Variants in RBFOX1 observed in about 807,000 individuals in gnomAD.
RBFOX1 encodes the protein RNA binding protein fox-1 homolog 1.
Under a neutral mutation model 57.7 loss-of-function variants are expected in RBFOX1, and 8 were observed. That is an observed-to-expected ratio of 0.14 (90% confidence interval 0.08 to 0.25). The LOEUF (loss-of-function observed/expected upper bound fraction) is 0.25, where lower values mean the gene tolerates loss of function less well. Ranked by LOEUF, RBFOX1 falls within the 10% of genes least tolerant of loss-of-function variation. The pLI is 1.00. For missense variants in RBFOX1, 611 were observed against 548.5 expected, an observed-to-expected ratio of 1.11 and a Z score of -1.14; for synonymous variants, 326 against 222.4, an observed-to-expected ratio of 1.47 and a Z score of -4.15.
intron 3 of RBFOX1, among the ~76,000 whole-genome samples, chr16:6,712,644 C>T (rs982642110): frequency 6.6e-6 from 1 of 152,100 alleles, no homozygotes; most frequent in African/African-American, 2.4e-5. Flanking sequence ...TAGGTCCTAT[C>T]ATGGCGTAGG....
chr16:6,693,416 C>T (rs1043843362), intron 3 of RBFOX1, among the ~76,000 whole-genome samples: 6 of 151,844 alleles, frequency 4.0e-5, no homozygotes, highest in African/African-American at 1.5e-4. Context: ...CTACCATCAC[C>T]ACTATCATTA....
chr16:5,706,020 CT>C (rs2051234790), intron 3 of RBFOX1, among the ~76,000 whole-genome samples: 2 of 152,176 alleles, frequency 1.3e-5, no homozygotes. Flanking sequence ...AAGCAATTCT[CT>C]TGCGTCTGCC....
intron 1 of RBFOX1, among the ~76,000 whole-genome samples, chr16:6,103,980 C>A (rs2096347030): frequency 6.6e-6 from 1 of 152,180 alleles, no homozygotes; most frequent in African/African-American, 2.4e-5. Flanking sequence ...GTGGTCTCAG[C>A]TTATTGTCCT....
At chr16:5,917,628 C>A (rs2058737040) in intron 4 of RBFOX1, among the ~76,000 whole-genome samples, 1 of 152,182 alleles carries the variant, frequency 6.6e-6, no homozygotes, top group African/African-American at 2.4e-5. Flanking sequence ...CTCCTTTCTC[C>A]TGGGCCCTGG....
At chr16:7,417,934 C>A (rs774635782) in intron 4 of RBFOX1, among the ~76,000 whole-genome samples, 1 of 152,048 alleles carries the variant, frequency 6.6e-6, no homozygotes. Flanking sequence ...GATTAGGTAC[C>A]CTGTTGGCCC....
intron 2 of RBFOX1, among the ~76,000 whole-genome samples, chr16:6,490,265 A>G (rs183923222): frequency 6.6e-6 from 1 of 152,254 alleles, no homozygotes; most frequent in African/African-American, 2.4e-5. Context: ...AAGATCTTGC[A>G]AGTACGCAAT....
intron 3 of RBFOX1, chr16:6,704,204 G>T (rs551891251): frequency 2.6e-5 from 4 of 152,318 alleles, no homozygotes; most frequent in African/African-American, 9.6e-5. Flanking sequence ...TCATGCAGGA[G>T]TTAAAAACCT....
intron 2 of RBFOX1, among the ~76,000 whole-genome samples, chr16:6,620,202 C>T (rs1431586214): frequency 6.6e-6 from 1 of 152,160 alleles, no homozygotes; most frequent in Non-Finnish European, 1.5e-5. Context: ...TCACTCAAAA[C>T]CATACAGTTA....
intron 14 of RBFOX1, among the ~76,000 whole-genome samples, chr16:7,690,229 C>A (rs574887931): frequency 6.6e-6 from 1 of 152,116 alleles, no homozygotes; most frequent in Admixed American, 6.6e-5. Flanking sequence ...CACTGGCACT[C>A]TCTTAACCTC....
In RBFOX1 at chr16:7,100,264, T is replaced by G. The variant is rs1004333756; in HGVS notation, c.27+48166T>G. On this transcript the variant is annotated intron_variant, in intron 4 of 15. Coordinates refer to ENST00000550418, the MANE Select transcript of RBFOX1 (RefSeq NM_018723.4). ...GTGAAAAATGGTTAGAATAAAATGCTCATGAAAATTTCTCTTTTTAAAAAG... is the reference window on the plus strand; with the variant it reads ...GTGAAAAATGGTTAGAATAAAATGCGCATGAAAATTTCTCTTTTTAAAAAG... Among the ~76,000 whole-genome samples, 3 of 152,250 alleles carry G rather than the reference T, an allele frequency of 2.0e-5. No homozygotes were observed. In the East Asian group the frequency reaches 5.8e-4, roughly 29 times the overall value.
At position 7,331,435 on chromosome 16, in the gene RBFOX1, T is replaced by C. The variant is rs1568245767; in HGVS notation, c.28-186712T>C. Among the ~76,000 whole-genome samples the C allele has an allele frequency of 2.0e-5, 3 of 152,150 alleles. No individual in the cohort carries two copies. In the South Asian group the frequency reaches 6.2e-4, roughly 32 times the overall value. ...GAACTTCATATTATTGCTTTCAAAA[T>C]TGTGGAACTACACACACCCACATGT... On this transcript the variant is annotated intron_variant, in intron 4 of 15. Coordinates refer to ENST00000550418, the MANE Select transcript of RBFOX1 (RefSeq NM_018723.4).
At chr16:6,134,818 C>G (rs574500364) in intron 1 of RBFOX1, among the ~76,000 whole-genome samples, 43 of 150,086 alleles carry the variant, frequency 2.9e-4, no homozygotes, top group African/African-American at 1.0e-3. Flanking sequence ...GGGGTCCATT[C>G]TCTAGCATCT....
intron 4 of RBFOX1, among the ~76,000 whole-genome samples, chr16:7,175,421 C>T (rs114239469): frequency 1.3e-5 from 2 of 152,128 alleles, no homozygotes; most frequent in Non-Finnish European, 2.9e-5. Flanking sequence ...TGGGCAGGGG[C>T]CTGAAGTGGG....
At chr16:6,329,904 C>G (rs573354174) in intron 2 of RBFOX1, among the ~76,000 whole-genome samples, 32 of 152,312 alleles carry the variant, frequency 2.1e-4, no homozygotes, top group African/African-American at 7.5e-4. Flanking sequence ...CATGACTGCA[C>G]TCCAGCCTGG....
At chr16:6,777,557 C>T (rs1372908717) in intron 3 of RBFOX1, among the ~76,000 whole-genome samples, 1 of 152,022 alleles carries the variant, frequency 6.6e-6, no homozygotes, top group African/African-American at 2.4e-5. Context: ...ACCTTGCAGG[C>T]CTGTTTGCAA....
At chr16:5,704,575 C>G (rs1198162380) in intron 3 of RBFOX1, among the ~76,000 whole-genome samples, 2 of 152,188 alleles carry the variant, frequency 1.3e-5, no homozygotes, top group Non-Finnish European at 2.9e-5. Context: ...TAAATCATCC[C>G]TGGTTTATTT....
Position 7,341,818 on chromosome 16 carries a change from C to CCTTA in RBFOX1, c.28-176326_28-176325insACTT, listed in dbSNP as rs768743916. ...TCCTTCCTTCCTTCCTTCCTTCCTT[C>CCTTA]CTTCCTTCCTTTTTGAGGTGGGAAG... On this transcript the variant is annotated intron_variant, in intron 4 of 15. Transcript: ENST00000550418. 1.9e-3 allele frequency among the ~76,000 whole-genome samples: 242 copies of CCTTA among 126,098 alleles called. 2 individuals are homozygous for CCTTA. The highest frequency in any genetic ancestry group is 3.4e-3 in the Non-Finnish European group (203 of 59,536). The allele number at this position is 126,098 out of a possible 152,430, so 82.7% of individuals were successfully genotyped here. A position where few individuals can be genotyped will look rare whatever the true frequency, so the allele number is the denominator to read the frequency against.
chr16:6,464,925 C>G (rs966891166), intron 2 of RBFOX1, among the ~76,000 whole-genome samples: 1 of 152,202 alleles, frequency 6.6e-6, no homozygotes, highest in African/African-American at 2.4e-5. Flanking sequence ...AATTCTGGAG[C>G]TATCATTTAT....
At chr16:7,230,282 G>T (rs1240449814) in intron 4 of RBFOX1, among the ~76,000 whole-genome samples, 1 of 152,054 alleles carries the variant, frequency 6.6e-6, no homozygotes, top group Non-Finnish European at 1.5e-5. Context: ...GAAAGTACCT[G>T]CCGTCGTTGT....
Sources: gnomAD v4.1 joint callset for allele counts (sites outside exome capture counted in the v4.1 genomes callset) on GRCh38, gnomAD v4.1.1 for gene constraint, MANE v1.5 for transcripts, NCBI Gene and HGNC (gene_info 2026-07-23, HGNC 2026-07-21) for gene names.